Variants in SSBP3 observed in about 807,000 individuals in gnomAD.
The protein encoded by SSBP3 is single-stranded DNA-binding protein 3.
A neutral mutation model predicts 69.6 loss-of-function variants in SSBP3; 5 were observed. The observed-to-expected ratio is 0.07, with a 90% confidence interval of 0.04 to 0.15. SSBP3 has a LOEUF of 0.15. Ranked by LOEUF, SSBP3 falls within the 10% of genes least tolerant of loss-of-function variation. The pLI is 1.00. For synonymous variants in SSBP3, 196 were observed against 193.4 expected, an observed-to-expected ratio of 1.01 and a Z score of -0.11; for missense variants, 312 against 534.0, an observed-to-expected ratio of 0.58 and a Z score of 4.10.
chr1:54,358,727 T>C (rs1039269465), intron 4 of SSBP3, among the ~76,000 whole-genome samples: 9 of 152,100 alleles, frequency 5.9e-5, no homozygotes, highest in Non-Finnish European at 1.2e-4. Flanking sequence ...GGATTGCAAG[T>C]GGGGAGGGCA....
intron 4 of SSBP3, among the ~76,000 whole-genome samples, chr1:54,334,485 G>A (rs532320063): frequency 3.3e-5 from 5 of 152,090 alleles, no homozygotes; most frequent in South Asian, 2.1e-4. Flanking sequence ...TACCATCTAC[G>A]GACCCACTCA....
intron 4 of SSBP3, among the ~76,000 whole-genome samples, chr1:54,301,040 TG>T (rs1645792127): frequency 6.6e-6 from 1 of 152,208 alleles, no homozygotes; most frequent in African/African-American, 2.4e-5. Flanking sequence ...CAGGTGGCAC[TG>T]GGTCTCCTAG....
At chr1:54,382,854 G>A (rs550163569) in intron 4 of SSBP3, among the ~76,000 whole-genome samples, 16 of 151,986 alleles carry the variant, frequency 1.1e-4, no homozygotes, top group African/African-American at 3.4e-4. Flanking sequence ...GCATGGTGGC[G>A]CCTGCCTGCA....
intron 4 of SSBP3, among the ~76,000 whole-genome samples, chr1:54,337,173 G>A (rs1465273535): frequency 1.3e-5 from 2 of 152,116 alleles, no homozygotes; most frequent in Admixed American, 6.5e-5. Context: ...CAGTGGAATC[G>A]GCCAGCAACC....
intron 4 of SSBP3, among the ~76,000 whole-genome samples, chr1:54,373,348 C>T (rs114151684): frequency 2.0e-5 from 3 of 152,250 alleles, no homozygotes; most frequent in African/African-American, 7.2e-5. Context: ...CTATAAAAAG[C>T]GAGTGCCACC....
At chr1:54,226,953 T>C (rs1644294574) in exon 18 of SSBP3, 4 of 645,260 alleles carry the variant, frequency 6.2e-6, no homozygotes, top group South Asian at 3.3e-5. Context: ...GGCCTTTTTA[T>C]TGCATGAAAC....
intron 4 of SSBP3, among the ~76,000 whole-genome samples, chr1:54,337,786 T>C (rs1646536768): frequency 6.6e-6 from 1 of 150,812 alleles, no homozygotes; most frequent in Non-Finnish European, 1.5e-5. Flanking sequence ...TGGGCCACCA[T>C]GCCCGGCCTC....
intron 4 of SSBP3, among the ~76,000 whole-genome samples, chr1:54,376,833 A>G (rs1473855683): frequency 6.6e-6 from 1 of 152,174 alleles, no homozygotes; most frequent in Non-Finnish European, 1.5e-5. Flanking sequence ...GCCACTGCCC[A>G]TCCCAGGAGT....
rs546125680 is a variant in SSBP3, at chr1:54,314,496, TG to T, written c.277-32970del. On this transcript the variant is annotated intron_variant, in intron 4 of 17. Transcript: ENST00000610401. ...GCTAGTGCAGTTTCACCAACATTGGTGGGGACAGCAAAAGCTCCCTACCTGG... is the reference window on the plus strand; with the variant it reads ...GCTAGTGCAGTTTCACCAACATTGGTGGGACAGCAAAAGCTCCCTACCTGG... Among the ~76,000 whole-genome samples, 61 of 152,324 alleles carry T rather than the reference TG, an allele frequency of 4.0e-4. 3 individuals carry two copies. In the Middle Eastern group the frequency reaches 0.014, roughly 34 times the overall value.
At chr1:54,345,832 C>T (rs980506557) in intron 4 of SSBP3, among the ~76,000 whole-genome samples, 2 of 151,762 alleles carry the variant, frequency 1.3e-5, no homozygotes, top group African/African-American at 4.8e-5. Context: ...ACGGTGAAAC[C>T]CTGTCTCTAC....
At chr1:54,403,959 G>A (rs1463223094) in intron 3 of SSBP3, among the ~76,000 whole-genome samples, 1 of 148,098 alleles carries the variant, frequency 6.8e-6, no homozygotes, top group African/African-American at 2.5e-5. Context: ...TGCAGACACT[G>A]CGAGGTCGAC....
chr1:54,254,309 C>A (rs1644882119), intron 7 of SSBP3, among the ~76,000 whole-genome samples: 1 of 152,188 alleles, frequency 6.6e-6, no homozygotes, highest in Non-Finnish European at 1.5e-5. Context: ...ACCTGCCCCG[C>A]CAGCACAGCC....
chr1:54,231,123 G>GT (rs780566198), intron 14 of SSBP3, among the ~76,000 whole-genome samples: 1 of 152,230 alleles, frequency 6.6e-6, no homozygotes, highest in Non-Finnish European at 1.5e-5. Context: ...ACGTCAAACT[G>GT]TTTAACAAAG....
At chr1:54,365,977 T>G (rs1647023948) in intron 4 of SSBP3, among the ~76,000 whole-genome samples, 1 of 152,168 alleles carries the variant, frequency 6.6e-6, no homozygotes, top group Non-Finnish European at 1.5e-5. Context: ...AGTTCTGACC[T>G]CACGGAGTTA....
intron 4 of SSBP3, among the ~76,000 whole-genome samples, chr1:54,295,637 A>G (rs964073375): frequency 1.3e-5 from 2 of 152,170 alleles, no homozygotes; most frequent in African/African-American, 4.8e-5. Context: ...CTCTGGGTTG[A>G]CAAGAGATTT....
chr1:54,387,207 T>C (rs1648156544), intron 4 of SSBP3, among the ~76,000 whole-genome samples: 2 of 152,212 alleles, frequency 1.3e-5, no homozygotes, highest in Non-Finnish European at 2.9e-5. Flanking sequence ...TCGTTTACTA[T>C]TGCTTATAGT....
chr1:54,349,713 G>A (rs3855973), intron 4 of SSBP3, among the ~76,000 whole-genome samples: 37,878 of 142,790 alleles, frequency 0.27, 4,970 homozygotes, highest in Non-Finnish European at 0.29. Context: ...CAGTGTGGAT[G>A]GGCCAAAAAA....
intron 5 of SSBP3, among the ~76,000 whole-genome samples, chr1:54,264,744 C>T (rs1263932192): frequency 2.0e-5 from 3 of 152,224 alleles, no homozygotes; most frequent in Admixed American, 6.5e-5. Flanking sequence ...GCCATTACCA[C>T]CCAGCCAAAT....
rs1161900848 is a variant in SSBP3, at chr1:54,405,371, C to G, written c.57-441G>C. 11 of 185,212 alleles carry G rather than the reference C, an allele frequency of 5.9e-5. No homozygotes were observed. In the South Asian group the frequency reaches 9.4e-4, roughly 16 times the overall value. The allele number at this position is 185,212 out of a possible 1,614,324, so 11.5% of individuals were successfully genotyped here. ...AAAGCGCCACCCTCGTCACCTCCCC[C>G]CAAACAACTGTGCCCCAAGCCTGGG... On this transcript the variant is annotated intron_variant, in intron 1 of 17. Coordinates refer to ENST00000610401, the Ensembl canonical transcript of SSBP3.
Sources: gnomAD v4.1 joint callset for allele counts (sites outside exome capture counted in the v4.1 genomes callset) on GRCh38, gnomAD v4.1.1 for gene constraint, MANE v1.5 for transcripts, NCBI Gene and HGNC (gene_info 2026-07-23, HGNC 2026-07-21) for gene names.